TGIF2: variants seen among roughly 807,000 people sequenced by gnomAD.
TGIF2 encodes TGFB induced factor homeobox 2.
TGIF2 carries 5 observed loss-of-function variants against 15.1 expected under a neutral mutation model. The observed-to-expected ratio is 0.33, with a 90% CI of 0.17 to 0.70. The LOEUF (loss-of-function observed/expected upper bound fraction) is 0.70. TGIF2 is among the 30% of genes least tolerant of loss of function. The pLI is 0.67. For missense variants in TGIF2, 264 were observed against 302.5 expected, an observed-to-expected ratio of 0.87 and a Z score of 0.94; for synonymous variants, 131 against 128.9, an observed-to-expected ratio of 1.02 and a Z score of -0.11.
At chr20:36,587,490 A>T (rs1345769160) in intron 2 of TGIF2, among the ~76,000 whole-genome samples, 2 of 151,804 alleles carry the variant, frequency 1.3e-5, no homozygotes, top group Non-Finnish European at 2.9e-5. Flanking sequence ...TGAGGTGGAG[A>T]GGGGCAGTGT....
rs1600788228 is a variant in TGIF2, at chr20:36,593,167, GA to G, written c.*1737del. The stretch of plus-strand genomic sequence containing the variant: ...TTGCTAGCCAAAATATTTTTGTCCT[GA>G]GTAGTGTCACTGGGCCAAAAGATAG... On this transcript the variant is annotated 3_prime_UTR_variant, in exon 3 of 3. Transcript: ENST00000373872. 1 of 152,584 alleles carries G rather than the reference GA, an allele frequency of 6.6e-6. No individual in the cohort carries two copies. Among genetic ancestry groups the G allele is most frequent in the East Asian group, 1.9e-4 (1 of 5,198 alleles). The allele number at this position is 152,584 out of a possible 1,614,324, so 9.5% of individuals were successfully genotyped here.
chr20:36,588,825 A>G (rs1270073674), intron 2 of TGIF2, among the ~76,000 whole-genome samples: 1 of 152,240 alleles, frequency 6.6e-6, no homozygotes, highest in Non-Finnish European at 1.5e-5. Context: ...AGACAGGACC[A>G]GAAGAAGGAC....
chr20:36,586,224 T>C (rs2038655475), intron 2 of TGIF2, among the ~76,000 whole-genome samples: 1 of 152,178 alleles, frequency 6.6e-6, no homozygotes, highest in African/African-American at 2.4e-5. Flanking sequence ...GTGTAAGCTT[T>C]TTGGCTTAAA....
chr20:36,582,751 G>T (rs1012399919), intron 2 of TGIF2, among the ~76,000 whole-genome samples: 1 of 152,206 alleles, frequency 6.6e-6, no homozygotes, highest in Non-Finnish European at 1.5e-5. Context: ...AGAGTTAAGA[G>T]CAGTGGGGAC....
At chr20:36,576,655 A>T (rs2147920164) in intron 1 of TGIF2, among the ~76,000 whole-genome samples, 1 of 152,130 alleles carries the variant, frequency 6.6e-6, no homozygotes, top group South Asian at 2.1e-4. Context: ...AAGTATACTC[A>T]TCAGCAGGTT....
At chr20:36,582,855 C>T (rs923211239) in intron 2 of TGIF2, among the ~76,000 whole-genome samples, 2 of 152,200 alleles carry the variant, frequency 1.3e-5, no homozygotes, top group African/African-American at 4.8e-5. Context: ...GTTCATTGCC[C>T]TCAGCTCATT....
intron 2 of TGIF2, among the ~76,000 whole-genome samples, chr20:36,586,570 C>G (rs1268131488): frequency 6.6e-6 from 1 of 152,114 alleles, no homozygotes; most frequent in Non-Finnish European, 1.5e-5. Context: ...TGTCGTGTGC[C>G]TGTAATCCCA....
At chr20:36,590,263 G>T (rs2038742368) in intron 2 of TGIF2, among the ~76,000 whole-genome samples, 1 of 151,596 alleles carries the variant, frequency 6.6e-6, no homozygotes, top group East Asian at 2.0e-4. Context: ...AGCCGGGGGA[G>T]GGTCTTCATG....
In TGIF2 at chr20:36,592,399, T is replaced by C. The variant is rs1278328517; in HGVS notation, c.*968T>C. ...TGAAGCGATGGATTTTTTTTTTCTT[T>C]TTTTTCTTTAGTGTTTTTCCCTTTG... On this transcript the variant is annotated 3_prime_UTR_variant, in exon 3 of 3. Transcript: ENST00000373872. 6.6e-6 allele frequency: 1 copy of C among 152,126 alleles called. No homozygotes were observed. Among genetic ancestry groups the C allele is most frequent in the African/African-American group, 2.4e-5 (1 of 41,358 alleles). 9.4% of individuals were successfully genotyped at this position (152,126 alleles called of 1,614,324 possible). A position where few individuals can be genotyped will look rare whatever the true frequency, so the allele number is the denominator to read the frequency against.
Position 36,573,642 on chromosome 20 carries a change from A to T in TGIF2, c.-138A>T, listed in dbSNP as rs1230659551. On this transcript the variant is annotated 5_prime_UTR_variant, in exon 1 of 3. Transcript: ENST00000373872. ...GCCGCGAGCTGTCAGGCCGAGTGTC[A>T]GGCCGGGCAGGTACGCGGCGCGCGC... 1 of 150,824 alleles carries T rather than the reference A, an allele frequency of 6.6e-6. No individual in the cohort carries two copies. Among genetic ancestry groups the T allele is most frequent in the Non-Finnish European group, 1.5e-5 (1 of 67,638 alleles). 9.3% of individuals were successfully genotyped at this position (150,824 alleles called of 1,614,324 possible).
chr20:36,586,703 CAA>C (rs1555926544), intron 2 of TGIF2, among the ~76,000 whole-genome samples: 2 of 131,878 alleles, frequency 1.5e-5, no homozygotes, highest in African/African-American at 6.5e-5. Context: ...TCCCCCCCCC[CAA>C]AAAAAAAAAT....
At chr20:36,580,677 G>A (rs2038525835) in intron 2 of TGIF2, among the ~76,000 whole-genome samples, 1 of 151,650 alleles carries the variant, frequency 6.6e-6, no homozygotes, top group Non-Finnish European at 1.5e-5. Flanking sequence ...GGGCATGGTG[G>A]TACATACCTG....
intron 2 of TGIF2, among the ~76,000 whole-genome samples, chr20:36,585,679 C>G (rs1172287824): frequency 6.6e-6 from 1 of 152,022 alleles, no homozygotes; most frequent in Non-Finnish European, 1.5e-5. Context: ...TGGTACTTGC[C>G]TGGGGCTAGG....
chr20:36,580,114 C>T (rs2038514154), intron 2 of TGIF2, among the ~76,000 whole-genome samples: 1 of 152,178 alleles, frequency 6.6e-6, no homozygotes. Context: ...AGTCAAACCT[C>T]TCCCACAAGC....
At chr20:36,575,563 T>C (rs990925910) in intron 1 of TGIF2, among the ~76,000 whole-genome samples, 5 of 152,124 alleles carry the variant, frequency 3.3e-5, no homozygotes, top group Admixed American at 3.3e-4. Context: ...CTCTGAGGAG[T>C]GGCACGTCTA....
At chr20:36,587,654 T>C (rs2038686777) in intron 2 of TGIF2, among the ~76,000 whole-genome samples, 7 of 152,126 alleles carry the variant, frequency 4.6e-5, no homozygotes, top group Admixed American at 3.9e-4. Context: ...AACCCAGCTT[T>C]TGCACTTGTG....
chr20:36,588,231 C>A (rs924710497), intron 2 of TGIF2, among the ~76,000 whole-genome samples: 1 of 152,088 alleles, frequency 6.6e-6, no homozygotes, highest in African/African-American at 2.4e-5. Context: ...TGCCCTCTAC[C>A]CTCCAGGCTT....
rs542114970 is a variant in TGIF2 at position 36,588,070 on chromosome 20, T to TA, written c.193-2823dup. On this transcript the variant is annotated intron_variant, in intron 2 of 2. Transcript: ENST00000373872. Reference sequence around the variant, plus strand: ...GGGTGACAGAGTGAGACCCTGTCTTTAAAAAAAAAAAAAAAAAGCACAGCA... The same window carrying TA: ...GGGTGACAGAGTGAGACCCTGTCTTTAAAAAAAAAAAAAAAAAAGCACAGCA... Among the ~76,000 whole-genome samples, 947 of 131,896 alleles carry TA rather than the reference T, an allele frequency of 7.2e-3. 4 individuals are homozygous for TA. Among genetic ancestry groups the TA allele is most frequent in the African/African-American group, 0.013 (489 of 36,322 alleles). 86.5% of individuals were successfully genotyped at this position (131,896 alleles called of 152,430 possible).
rs1421780383 is a variant in TGIF2 at position 36,591,465 on chromosome 20, C to T, written c.*34C>T. ...CAAGAAGGGTGCTGAAGGCTCCAGC[C>T]AGCTGTCCTGGGTTTCCGTTTTGGT... is the stretch of plus-strand genomic sequence containing the variant. On this transcript the variant is annotated 3_prime_UTR_variant, in exon 3 of 3. Transcript: ENST00000373872. The surrounding 1 kb of genome is among the most constrained non-coding windows in gnomAD (Gnocchi z 5.3). 17 of 1,563,404 alleles carry T rather than the reference C, an allele frequency of 1.1e-5. No individual in the cohort carries two copies. The South Asian group carries it at 2.0e-4, about 18-fold the overall frequency.
Sources: gnomAD v4.1 joint callset for allele counts (sites outside exome capture counted in the v4.1 genomes callset) on GRCh38, gnomAD v4.1.1 for gene constraint, Gnocchi (gnomAD v3.1) non-coding constraint, MANE v1.5 for transcripts, NCBI Gene and HGNC (gene_info 2026-07-23, HGNC 2026-07-21) for gene names.